Variants in CA10 observed in about 807,000 individuals in gnomAD.
CA10 encodes the protein carbonic anhydrase-related protein 10.
In CA10, 14 loss-of-function variants were observed where a neutral mutation model predicts 44.2. That is an observed-to-expected ratio of 0.32 (90% confidence interval 0.21 to 0.50). CA10 has a LOEUF of 0.50. Among genes scored for constraint, CA10 ranks in the 20% least tolerant of loss-of-function variants. The pLI is 0.99. For missense variants in CA10, 350 were observed against 409.7 expected (o/e 0.85, Z 1.26); for synonymous variants, 159 against 141.6 (o/e 1.12, Z -0.87).
At chr17:51,759,306 T>C (rs574333707) in intron 3 of CA10, among the ~76,000 whole-genome samples, 6 of 151,954 alleles carry the variant, frequency 3.9e-5, no homozygotes, top group African/African-American at 1.4e-4. Context: ...GGGCTCACCT[T>C]GGCTATCTAT....
chr17:51,920,763 A>C (rs1982198663), intron 3 of CA10, among the ~76,000 whole-genome samples: 1 of 152,184 alleles, frequency 6.6e-6, no homozygotes, highest in Non-Finnish European at 1.5e-5. Context: ...TCCATTTCCC[A>C]ACTTAAAATA....
chr17:51,799,973 G>A (rs4794306), intron 3 of CA10, among the ~76,000 whole-genome samples: 112,952 of 152,122 alleles, frequency 0.74, 42,276 homozygotes, highest in East Asian at 0.86. Context: ...AAAAAGTTAA[G>A]CATAGAGTTA....
At chr17:51,687,940 C>A (rs117518042) in intron 4 of CA10, among the ~76,000 whole-genome samples, 1 of 152,170 alleles carries the variant, frequency 6.6e-6, no homozygotes, top group Non-Finnish European at 1.5e-5. Flanking sequence ...TCTCATGTTG[C>A]GTAGAGTTGA....
At chr17:51,910,862 T>A (rs141463261) in intron 3 of CA10, among the ~76,000 whole-genome samples, 15 of 152,264 alleles carry the variant, frequency 9.9e-5, no homozygotes, top group African/African-American at 3.4e-4. Flanking sequence ...GCAAAATGAA[T>A]CTTAAATGTG....
At chr17:51,965,718 T>C (rs947947104) in intron 2 of CA10, among the ~76,000 whole-genome samples, 1 of 151,718 alleles carries the variant, frequency 6.6e-6, no homozygotes, top group African/African-American at 2.4e-5. Flanking sequence ...CCAAAATAAT[T>C]AGAGCCATCT....
At chr17:52,127,970 C>T (rs1989155821) in intron 1 of CA10, among the ~76,000 whole-genome samples, 1 of 152,178 alleles carries the variant, frequency 6.6e-6, no homozygotes, top group Admixed American at 6.5e-5. Context: ...AAAATACATC[C>T]TCAGAATAAC....
At chr17:51,776,074 T>C (rs1308679289) in intron 3 of CA10, among the ~76,000 whole-genome samples, 2 of 152,144 alleles carry the variant, frequency 1.3e-5, no homozygotes, top group South Asian at 2.1e-4. Flanking sequence ...ACACTGAGAT[T>C]TGGCTTTCAC....
chr17:51,705,655 A>G (rs946019627), intron 4 of CA10, among the ~76,000 whole-genome samples: 7 of 152,110 alleles, frequency 4.6e-5, no homozygotes, highest in Non-Finnish European at 1.0e-4. Flanking sequence ...AAATCCACCC[A>G]TATGTTGTAA....
intron 3 of CA10, among the ~76,000 whole-genome samples, chr17:51,820,414 C>T (rs372494809): frequency 6.1e-5 from 6 of 99,120 alleles, no homozygotes; most frequent in Non-Finnish European, 6.2e-5. Flanking sequence ...TACCCCCCCC[C>T]CCCCGCCCGC....
chr17:51,771,078 C>G (rs768672874), intron 3 of CA10, among the ~76,000 whole-genome samples: 1 of 133,992 alleles, frequency 7.5e-6, no homozygotes, highest in East Asian at 2.4e-4. Flanking sequence ...GAGCTGAGAT[C>G]GTACCACTGC....
intron 2 of CA10, among the ~76,000 whole-genome samples, chr17:52,046,239 A>T (rs556862310): frequency 2.0e-5 from 3 of 151,808 alleles, no homozygotes; most frequent in Admixed American, 1.3e-4. Flanking sequence ...AAACAAAGAA[A>T]AAAGAAAATC....
chr17:51,995,919 TCTCA>T (rs1985219397), intron 2 of CA10, among the ~76,000 whole-genome samples: 2 of 152,062 alleles, frequency 1.3e-5, no homozygotes, highest in Admixed American at 1.3e-4. Flanking sequence ...AGAGAATTTC[TCTCA>T]ATCAACTTCC....
intron 3 of CA10, among the ~76,000 whole-genome samples, chr17:51,754,553 T>A (rs1266514446): frequency 6.6e-6 from 1 of 151,292 alleles, no homozygotes; most frequent in Non-Finnish European, 1.5e-5. Context: ...GTAGTTTACC[T>A]CTGAAGGTAC....
At chr17:51,648,160 G>T (rs1402743754) in intron 6 of CA10, among the ~76,000 whole-genome samples, 3 of 152,214 alleles carry the variant, frequency 2.0e-5, no homozygotes, top group Non-Finnish European at 4.4e-5. Flanking sequence ...TCCAATGTGA[G>T]AGCTGTACAC....
chr17:52,092,150 CTA>C (rs932555649), intron 1 of CA10, among the ~76,000 whole-genome samples: 37 of 152,114 alleles, frequency 2.4e-4, no homozygotes, highest in Non-Finnish European at 3.2e-4. Context: ...GTGTGCATTT[CTA>C]TGAGTGTCTG....
chr17:51,871,394 ATTTT>A (rs11438821), intron 3 of CA10, among the ~76,000 whole-genome samples: 3 of 81,280 alleles, frequency 3.7e-5, no homozygotes, highest in Non-Finnish European at 6.6e-5. Flanking sequence ...ACCAGGCCTA[ATTTT>A]TTTTTTTTTT....
intron 4 of CA10, among the ~76,000 whole-genome samples, chr17:51,725,332 T>G (rs1382992453): frequency 6.6e-6 from 1 of 152,274 alleles, no homozygotes; most frequent in South Asian, 2.1e-4. Flanking sequence ...GTTTTCTCAT[T>G]GCTGTCGGCT....
chr17:51,797,395 C>T (rs1906755098), intron 3 of CA10, among the ~76,000 whole-genome samples: 1 of 152,214 alleles, frequency 6.6e-6, no homozygotes, highest in South Asian at 2.1e-4. Context: ...CCTCCACTAA[C>T]TCATGAGGTG....
chr17:51,693,340 T>C (rs1915284456), intron 4 of CA10, among the ~76,000 whole-genome samples: 1 of 151,680 alleles, frequency 6.6e-6, no homozygotes, highest in Admixed American at 6.6e-5. Flanking sequence ...TTTTTCTCTT[T>C]AAAAAAAAAT....
Sources: gnomAD v4.1 joint callset for allele counts (sites outside exome capture counted in the v4.1 genomes callset) on GRCh38, gnomAD v4.1.1 for gene constraint, MANE v1.5 for transcripts, NCBI Gene and HGNC (gene_info 2026-07-23, HGNC 2026-07-21) for gene names.